Variants in NRP1 observed in about 807,000 individuals in gnomAD.
NRP1 encodes the protein neuropilin 1.
NRP1 carries 35 observed loss-of-function variants against 106.7 expected under a neutral mutation model. The ratio of observed to expected loss-of-function variants is 0.33; its 90% CI spans 0.25 to 0.43. NRP1 has a LOEUF of 0.43. NRP1 is among the 20% of genes least tolerant of loss of function. The pLI is 1.00. For synonymous variants in NRP1, 437 were observed against 417.9 expected, an observed-to-expected ratio of 1.05 and a Z score of -0.56; for missense variants, 1,024 against 1,170.4, an observed-to-expected ratio of 0.87 and a Z score of 1.83.
chr10:33,220,288 C>T (rs2132878476), intron 8 of NRP1, among the ~76,000 whole-genome samples: 1 of 152,098 alleles, frequency 6.6e-6, no homozygotes. Flanking sequence ...TATCATTCTC[C>T]TCTAAAAATA....
intron 7 of NRP1, among the ~76,000 whole-genome samples, chr10:33,223,551 C>T (rs1839426760): frequency 1.3e-5 from 2 of 151,964 alleles, no homozygotes; most frequent in African/African-American, 2.4e-5. Flanking sequence ...TGGCTTGAGC[C>T]CAGGAATTTA....
intron 6 of NRP1, among the ~76,000 whole-genome samples, chr10:33,238,655 GCA>G (rs1433262531): frequency 6.6e-6 from 1 of 152,142 alleles, no homozygotes; most frequent in African/African-American, 2.4e-5. Flanking sequence ...GTGGAAAAAA[GCA>G]CAGACCCCAG....
intron 10 of NRP1, among the ~76,000 whole-genome samples, chr10:33,204,293 G>A (rs988110045): frequency 1.3e-5 from 2 of 152,114 alleles, no homozygotes; most frequent in African/African-American, 4.8e-5. Context: ...TGGAGAAACA[G>A]AGCCAAGTTT....
intron 15 of NRP1, 43 bp downstream of exon 15, chr10:33,185,585 C>T (rs746430906): frequency 6.9e-7 from 1 of 1,459,406 alleles, no homozygotes; most frequent in Non-Finnish European, 9.6e-7. Flanking sequence ...GAGTCTTGCC[C>T]TGGGCAAGCA....
chr10:33,215,239 A>C (rs1227085163), intron 8 of NRP1, among the ~76,000 whole-genome samples: 1 of 152,094 alleles, frequency 6.6e-6, no homozygotes, highest in Non-Finnish European at 1.5e-5. Context: ...TTTGCTCAAA[A>C]CCCAGCTTAA....
chr10:33,220,816 G>A (rs544145625), intron 8 of NRP1, among the ~76,000 whole-genome samples: 5 of 147,976 alleles, frequency 3.4e-5, no homozygotes, highest in South Asian at 2.1e-4. Flanking sequence ...CAGGAGAATC[G>A]CTGGAACCTG....
intron 2 of NRP1, among the ~76,000 whole-genome samples, chr10:33,327,670 TC>T (rs1847984325): frequency 6.8e-6 from 1 of 146,522 alleles, no homozygotes; most frequent in African/African-American, 2.4e-5. Flanking sequence ...GTTTTTTTTT[TC>T]CCCCTAGGGC....
chr10:33,227,554 GGAGACTGATGTCT>G (rs1839770820), intron 6 of NRP1, among the ~76,000 whole-genome samples: 1 of 152,154 alleles, frequency 6.6e-6, no homozygotes, highest in African/African-American at 2.4e-5. Context: ...ATCAGGTGGG[GGAGACTGATGTCT>G]CTAGGAAACA....
At chr10:33,246,390 C>T (rs1403591148) in intron 6 of NRP1, among the ~76,000 whole-genome samples, 1 of 152,172 alleles carries the variant, frequency 6.6e-6, no homozygotes, top group African/African-American at 2.4e-5. Flanking sequence ...GGTGGAAACT[C>T]AGTCATAGGT....
chr10:33,329,395 T>A (rs1848114636), intron 2 of NRP1, among the ~76,000 whole-genome samples: 1 of 152,146 alleles, frequency 6.6e-6, no homozygotes, highest in Non-Finnish European at 1.5e-5. Context: ...AATGACCTCA[T>A]CTCTCTGACC....
Position 33,231,705 on chromosome 10 carries a change from C to T in NRP1, c.982-5416G>A, listed in dbSNP as rs543530774. On this transcript the variant is annotated intron_variant, in intron 6 of 16. Transcript: ENST00000374867. ...GTGCAAAACGCGAACCCATGACTAC[C>T]GTACAGACAGGTATCATGCAGCATC... Among the ~76,000 whole-genome samples the T allele has an allele frequency of 9.9e-5, 15 of 152,100 alleles. No individual in the cohort carries two copies. The South Asian group carries it at 2.3e-3, about 23-fold the overall frequency.
At chr10:33,282,400 T>C (rs1844206312) in intron 2 of NRP1, among the ~76,000 whole-genome samples, 1 of 152,226 alleles carries the variant, frequency 6.6e-6, no homozygotes, top group South Asian at 2.1e-4. Context: ...TTTTATATTA[T>C]AGGACCTAAT....
chr10:33,312,950 C>T (rs1361437867), intron 2 of NRP1, among the ~76,000 whole-genome samples: 2 of 152,154 alleles, frequency 1.3e-5, no homozygotes, highest in South Asian at 2.1e-4. Flanking sequence ...TAAAGCACAC[C>T]TCAAACTTGG....
At chr10:33,310,704 T>G (rs1238786263) in intron 2 of NRP1, among the ~76,000 whole-genome samples, 1 of 152,204 alleles carries the variant, frequency 6.6e-6, no homozygotes, top group Non-Finnish European at 1.5e-5. Flanking sequence ...GTACCTTTCT[T>G]TCTAATTTTA....
At chr10:33,258,613 A>T (rs1369052676) in intron 4 of NRP1, among the ~76,000 whole-genome samples, 1 of 152,238 alleles carries the variant, frequency 6.6e-6, no homozygotes, top group East Asian at 1.9e-4. Context: ...AGAAGAAAGC[A>T]TCTCAGAAGA....
At chr10:33,277,902 A>G (rs892721399) in intron 2 of NRP1, among the ~76,000 whole-genome samples, 16 of 151,356 alleles carry the variant, frequency 1.1e-4, no homozygotes, top group Admixed American at 4.6e-4. Flanking sequence ...CTGTCTTCCA[A>G]TTTGCTCTCT....
chr10:33,286,806 C>G (rs568606586), intron 2 of NRP1, among the ~76,000 whole-genome samples: 20 of 152,214 alleles, frequency 1.3e-4, no homozygotes, highest in South Asian at 2.1e-4. Context: ...TCCGCCCCCC[C>G]ACCCAAGCAA....
At chr10:33,267,618 C>G (rs1239663432) in intron 3 of NRP1, among the ~76,000 whole-genome samples, 1 of 152,018 alleles carries the variant, frequency 6.6e-6, no homozygotes, top group Non-Finnish European at 1.5e-5. Context: ...GCACTGAGAC[C>G]CATAGGAAAC....
At chr10:33,200,598 G>A (rs538761504) in intron 11 of NRP1, among the ~76,000 whole-genome samples, 24 of 152,314 alleles carry the variant, frequency 1.6e-4, no homozygotes, top group African/African-American at 5.8e-4. Flanking sequence ...TAGGGTTAAA[G>A]CAATAACGCT....
Sources: gnomAD v4.1 joint callset for allele counts (sites outside exome capture counted in the v4.1 genomes callset) on GRCh38, gnomAD v4.1.1 for gene constraint, MANE v1.5 for transcripts, NCBI Gene and HGNC (gene_info 2026-07-23, HGNC 2026-07-21) for gene names.